BABAM2: variants seen among roughly 807,000 people sequenced by gnomAD.
The protein encoded by BABAM2 is BRISC and BRCA1 A complex member 2, also known as BRISC and BRCA1-A complex member 2.
A neutral mutation model predicts 54.7 loss-of-function variants in BABAM2; 31 were observed. The ratio of observed to expected loss-of-function variants is 0.57; its 90% CI spans 0.43 to 0.77. The LOEUF (loss-of-function observed/expected upper bound fraction) is 0.77. Ranked by LOEUF, BABAM2 falls within the 30% of genes least tolerant of loss-of-function variation. BABAM2 has a pLI of 0.00. For missense variants in BABAM2, 364 were observed against 455.8 expected, an observed-to-expected ratio of 0.80 and a Z score of 1.83; for synonymous variants, 167 against 162.9, an observed-to-expected ratio of 1.03 and a Z score of -0.19.
rs146725605 is a variant in BABAM2, at chr2:28,012,850, A to C, written c.301-12376A>C. On this transcript the variant is annotated intron_variant, in intron 4 of 11. Transcript: ENST00000379624. ...GGAATTTGCCTACTTTCTTTCTCTT[A>C]ATAAATGAGGAAGATTAGATCAAGA... 3.2e-3 allele frequency among the ~76,000 whole-genome samples: 488 copies of C among 152,328 alleles called. 1 individual carries two copies. The highest frequency in any genetic ancestry group is 0.01 in the African/African-American group (428 of 41,572).
intron 2 of BABAM2, among the ~76,000 whole-genome samples, chr2:27,907,318 A>T (rs1363480135): frequency 6.6e-6 from 1 of 151,342 alleles, no homozygotes; most frequent in Non-Finnish European, 1.5e-5. Flanking sequence ...CAATTTATTG[A>T]TAACAAACCT....
At chr2:27,894,853 GT>G in intron 2 of BABAM2, 169 bp downstream of exon 2, 1 of 667,498 alleles carries the variant, frequency 1.5e-6, no homozygotes, top group East Asian at 2.9e-5. Flanking sequence ...GACATTTTAT[GT>G]TTCAGGTTAT....
intron 5 of BABAM2, among the ~76,000 whole-genome samples, chr2:28,044,833 A>G (rs1161173824): frequency 6.6e-6 from 1 of 152,108 alleles, no homozygotes; most frequent in Non-Finnish European, 1.5e-5. Context: ...ACACCATGTC[A>G]AAATACCAGG....
intron 7 of BABAM2, among the ~76,000 whole-genome samples, chr2:28,129,933 G>A (rs918508544): frequency 4.6e-5 from 7 of 152,116 alleles, no homozygotes; most frequent in Admixed American, 2.6e-4. Context: ...GTTTGATATC[G>A]CATTTGTGTT....
At chr2:28,079,473 T>G (rs963702673) in intron 6 of BABAM2, among the ~76,000 whole-genome samples, 1 of 152,192 alleles carries the variant, frequency 6.6e-6, no homozygotes, top group African/African-American at 2.4e-5. Flanking sequence ...AGAGGTAAAA[T>G]AAAAGCTCTT....
chr2:28,173,085 A>G (rs1467471029), intron 7 of BABAM2, among the ~76,000 whole-genome samples: 2 of 152,134 alleles, frequency 1.3e-5, no homozygotes, highest in South Asian at 2.1e-4. Context: ...CTACCCTCAT[A>G]ACATTATCTA....
intron 6 of BABAM2, among the ~76,000 whole-genome samples, chr2:28,052,611 A>G (rs951798951): frequency 2.6e-5 from 4 of 152,148 alleles, no homozygotes; most frequent in Non-Finnish European, 5.9e-5. Context: ...AGGTTTCTTA[A>G]GAAGTTGTTT....
In BABAM2 at chr2:28,315,372, C is replaced by CT. The variant is rs987485971; in HGVS notation, c.1088+16891dup. 8.2e-5 allele frequency among the ~76,000 whole-genome samples: 12 copies of CT among 147,098 alleles called. No individual in the cohort carries two copies. In the East Asian group the frequency reaches 1.2e-3, roughly 15 times the overall value. The stretch of plus-strand genomic sequence containing the variant: ...TGTTCACCATGCTAAAACATTTTAT[C>CT]TTTTTTTTTTCTGTAGGCAGTAAGG... On this transcript the variant is annotated intron_variant, in intron 11 of 11. Transcript: ENST00000379624.
At chr2:28,275,451 G>A (rs1685797440) in intron 10 of BABAM2, among the ~76,000 whole-genome samples, 1 of 152,156 alleles carries the variant, frequency 6.6e-6, no homozygotes, top group Non-Finnish European at 1.5e-5. Context: ...TGCCTAACTG[G>A]GATAGGCCTG....
At chr2:28,030,854 G>C (rs1676247144) in intron 5 of BABAM2, among the ~76,000 whole-genome samples, 1 of 152,124 alleles carries the variant, frequency 6.6e-6, no homozygotes, top group African/African-American at 2.4e-5. Flanking sequence ...TGGCAAGGCT[G>C]CATGCCTTCT....
At position 28,322,104 on chromosome 2, in the gene BABAM2, A is replaced by G. The variant is rs1158666130; in HGVS notation, c.1089-16346A>G. On this transcript the variant is annotated intron_variant, in intron 11 of 11. Transcript: ENST00000379624. The surrounding 1 kb of genome is among the most constrained non-coding windows in gnomAD (Gnocchi z 4.1). ...AAATTAGGGTACTTCTGTGTCACTG[A>G]GGTGCAGCCCCAGTGAAATGAACTC... Among the ~76,000 whole-genome samples, 1 of 152,096 alleles carries G rather than the reference A, an allele frequency of 6.6e-6. No homozygotes were observed. Among genetic ancestry groups the G allele is most frequent in the Non-Finnish European group, 1.5e-5 (1 of 68,014 alleles).
chr2:28,224,559 G>A (rs1680700436), intron 7 of BABAM2, among the ~76,000 whole-genome samples: 1 of 152,162 alleles, frequency 6.6e-6, no homozygotes, highest in African/African-American at 2.4e-5. Context: ...TTGAGCTTTA[G>A]AAGCGTGCCT....
intron 7 of BABAM2, among the ~76,000 whole-genome samples, chr2:28,167,701 T>TAAAA (rs1444466869): frequency 3.1e-5 from 2 of 63,562 alleles, no homozygotes; most frequent in Non-Finnish European, 5.3e-5. Flanking sequence ...CTCAAAAAAA[T>TAAAA]AAATAAATAA....
chr2:27,899,406 T>C (rs1378588796), intron 2 of BABAM2, among the ~76,000 whole-genome samples: 1 of 152,176 alleles, frequency 6.6e-6, no homozygotes, highest in African/African-American at 2.4e-5. Context: ...TTCCTGAATG[T>C]TTAGTTGAAG....
At chr2:28,254,704 C>T (rs1484800999) in intron 10 of BABAM2, among the ~76,000 whole-genome samples, 2 of 148,888 alleles carry the variant, frequency 1.3e-5, no homozygotes, top group Non-Finnish European at 3.0e-5. Context: ...CTATGTATCT[C>T]TAACAGATAA....
rs534790184 is a variant in BABAM2, at chr2:27,992,448, A to G, written c.300+4361A>G. 3.5e-4 allele frequency among the ~76,000 whole-genome samples: 54 copies of G among 152,292 alleles called. 1 individual carries two copies. Among genetic ancestry groups the G allele is most frequent in the South Asian group, 3.5e-3 (17 of 4,822 alleles). The stretch of plus-strand genomic sequence containing the variant: ...ACCCTGTCTCTCAATCAATCCATCA[A>G]TAAATTTTAGGGAGGTAAGACGTAG... On this transcript the variant is annotated intron_variant, in intron 4 of 11. Coordinates refer to ENST00000379624, the MANE Select transcript of BABAM2 (RefSeq NM_199191.3).
chr2:28,048,601 G>T (rs1677775407), intron 6 of BABAM2, among the ~76,000 whole-genome samples: 1 of 152,128 alleles, frequency 6.6e-6, no homozygotes, highest in South Asian at 2.1e-4. Flanking sequence ...TTCTTCTGTG[G>T]TCTGTATAGC....
At chr2:27,998,023 C>T (rs553822195) in intron 4 of BABAM2, among the ~76,000 whole-genome samples, 9 of 151,936 alleles carry the variant, frequency 5.9e-5, no homozygotes, top group East Asian at 1.9e-4. Flanking sequence ...CATGGTGGCG[C>T]GCACCTGTAA....
chr2:28,236,480 C>T (rs923263799), intron 7 of BABAM2, among the ~76,000 whole-genome samples: 2 of 151,800 alleles, frequency 1.3e-5, no homozygotes, highest in African/African-American at 2.4e-5. Context: ...TCTCATGCCT[C>T]AGCCTCCTGA....
Sources: gnomAD v4.1 joint callset for allele counts (sites outside exome capture counted in the v4.1 genomes callset) on GRCh38, gnomAD v4.1.1 for gene constraint, Gnocchi (gnomAD v3.1) non-coding constraint, MANE v1.5 for transcripts, NCBI Gene and HGNC (gene_info 2026-07-23, HGNC 2026-07-21) for gene names.